Variants in ARSK observed in about 807,000 individuals in gnomAD.
The protein encoded by ARSK is arylsulfatase K.
A neutral mutation model predicts 53.2 loss-of-function variants in ARSK; 37 were observed. That is an observed-to-expected ratio of 0.70 (90% confidence interval 0.54 to 0.92). The LOEUF is 0.92. ARSK is among the 40% of genes least tolerant of loss of function. The pLI, the probability that ARSK is intolerant of heterozygous loss-of-function variation, is 0.00. For synonymous variants in ARSK, 208 were observed against 223.2 expected (o/e 0.93, Z 0.61); for missense variants, 613 against 643.0 (o/e 0.95, Z 0.51).
chr5:95,599,676 G>A (rs990395403), intron 6 of ARSK, among the ~76,000 whole-genome samples: 1 of 152,056 alleles, frequency 6.6e-6, no homozygotes, highest in African/African-American at 2.4e-5. Flanking sequence ...AATTTTGATT[G>A]GTTGGCAGAA....
chr5:95,579,617 G>C (rs539736687), intron 3 of ARSK, among the ~76,000 whole-genome samples: 2 of 152,324 alleles, frequency 1.3e-5, no homozygotes, highest in East Asian at 3.9e-4. Context: ...CACACTTGGA[G>C]TAGCAAGGAT....
chr5:95,600,866 GC>G lies in ARSK; in HGVS notation c.1118del (p.Pro373LeufsTer4), dbSNP rs1749389608. The G allele has an allele frequency of 1.7e-5, 27 of 1,613,930 alleles. No homozygotes were observed. The highest frequency in any genetic ancestry group is 2.3e-5 in the Non-Finnish European group (27 of 1,179,842). The part of the protein sequence containing the change: ...TMLDIAGIPL[P>X]QNLSGYSLLP... ...ACATAGATATTGCTGGAATTCCTCT[GC>G]CTCAGAACCTGAGTGGATACTCTTT... On this transcript the variant is annotated frameshift_variant, in exon 7 of 8. Transcript: ENST00000380009. LOFTEE classifies it high-confidence loss of function.
chr5:95,600,930 A>G lies in ARSK; in HGVS notation c.1180A>G (p.Lys394Glu). 1 of 1,614,130 alleles carries G rather than the reference A, an allele frequency of 6.2e-7. No individual in the cohort carries two copies. Residue 394 changes from lysine (K) to glutamate (E), a missense_variant, in exon 7 of 8, where the codon AAA (lysine) becomes GAA (glutamate). Coordinates refer to ENST00000380009, the MANE Select transcript of ARSK (RefSeq NM_198150.3). The stretch of plus-strand genomic sequence containing the variant: ...ATCAGAAACATTTAAGAATGAACAT[A>G]AAGTCAAAAACCTGCATCCACCCTG... The part of the protein sequence containing the change: ...LSSETFKNEH[K>E]VKNLHPPWIL...
At chr5:95,582,265 A>T (rs766020885) in intron 3 of ARSK, among the ~76,000 whole-genome samples, 9 of 152,160 alleles carry the variant, frequency 5.9e-5, no homozygotes, top group Non-Finnish European at 1.0e-4. Flanking sequence ...CAGATAAAAT[A>T]AAGATTTAGA....
At position 95,555,446 on chromosome 5, in the gene ARSK, C is replaced by T; in HGVS notation, c.126+42C>T. The T allele has an allele frequency of 6.4e-7, 1 of 1,561,628 alleles. No individual in the cohort carries two copies. The highest frequency in any genetic ancestry group is 8.7e-7 in the Non-Finnish European group (1 of 1,151,170). Reference sequence around the variant, plus strand: ...AGGGGAGGGGCGCCCCGCTGGGGATCGGCGACCTCACCGCCGCCGCCTGTG... The same window carrying T: ...AGGGGAGGGGCGCCCCGCTGGGGATTGGCGACCTCACCGCCGCCGCCTGTG... On this transcript the variant is annotated intron_variant, in intron 1 of 7. Transcript: ENST00000380009. The surrounding 1 kb of genome is among the most constrained non-coding windows in gnomAD (Gnocchi z 4.0).
intron 1 of ARSK, among the ~76,000 whole-genome samples, chr5:95,558,862 C>T (rs778216949): frequency 3.3e-5 from 5 of 152,266 alleles, no homozygotes; most frequent in East Asian, 1.9e-4. Flanking sequence ...CCAGTTTGGC[C>T]GGGCGCGGTG....
intron 7 of ARSK, 106 bp downstream of exon 7, chr5:95,601,177 G>A: frequency 9.2e-7 from 1 of 1,088,696 alleles, no homozygotes; most frequent in Non-Finnish European, 1.3e-6. Context: ...ATGAATATCT[G>A]CTGCTTCTCA....
intron 3 of ARSK, among the ~76,000 whole-genome samples, chr5:95,582,425 TAAAG>T (rs1255874160): frequency 2.0e-5 from 3 of 152,050 alleles, no homozygotes; most frequent in Admixed American, 6.6e-5. Flanking sequence ...GTTCTTTTAA[TAAAG>T]AAAAGATAGA....
chr5:95,579,479 T>C lies in ARSK; in HGVS notation c.417-3437T>C, dbSNP rs548927079. ...ATCGGATCTCAGGAGACTTATTCACTACCACCAGAACAGTATGGGGGAAAC... is the reference window on the plus strand; with the variant it reads ...ATCGGATCTCAGGAGACTTATTCACCACCACCAGAACAGTATGGGGGAAAC... On this transcript the variant is annotated intron_variant, in intron 3 of 7. Coordinates refer to ENST00000380009, the MANE Select transcript of ARSK (RefSeq NM_198150.3). 1.6e-4 allele frequency among the ~76,000 whole-genome samples: 24 copies of C among 152,316 alleles called. No individual in the cohort carries two copies. In the South Asian group the frequency reaches 4.8e-3, roughly 30 times the overall value.
chr5:95,597,910 G>A lies in ARSK; in HGVS notation c.1097-2937G>A, dbSNP rs573532883. Among the ~76,000 whole-genome samples, 10 of 149,734 alleles carry A rather than the reference G, an allele frequency of 6.7e-5. 1 individual carries two copies. Among genetic ancestry groups the A allele is most frequent in the African/African-American group, 2.0e-4 (8 of 40,500 alleles). ...CTCTGCCTCAAAAAAAAAAAGTGGG[G>A]GGCGGGTAATAGTGGCTATTTCATA... is the stretch of plus-strand genomic sequence containing the variant. On this transcript the variant is annotated intron_variant, in intron 6 of 7. Coordinates refer to ENST00000380009, the MANE Select transcript of ARSK (RefSeq NM_198150.3).
chr5:95,573,618 T>C (rs1748870980), intron 3 of ARSK, among the ~76,000 whole-genome samples: 1 of 152,228 alleles, frequency 6.6e-6, no homozygotes, highest in African/African-American at 2.4e-5. Context: ...TTCTGTCTTG[T>C]TGAAAATCTA....
At chr5:95,571,585 C>T (rs1357035995) in intron 3 of ARSK, among the ~76,000 whole-genome samples, 1 of 152,070 alleles carries the variant, frequency 6.6e-6, no homozygotes. Context: ...TTTAGGAGTT[C>T]TTTCTTTGTC....
chr5:95,584,030 G>A (rs1749066749), intron 4 of ARSK, among the ~76,000 whole-genome samples: 1 of 152,166 alleles, frequency 6.6e-6, no homozygotes, highest in African/African-American at 2.4e-5. Flanking sequence ...AATGACAGCA[G>A]TGTCAACATT....
rs1749017286 is a variant in ARSK at position 95,581,276 on chromosome 5, G to T, written c.417-1640G>T. ...GGAACACAGTTAAAAAAAATAAGGA[G>T]AAGGCATAAATTTATTACCAGAAAG... is the stretch of plus-strand genomic sequence containing the variant. On this transcript the variant is annotated intron_variant, in intron 3 of 7. Coordinates refer to ENST00000380009, the MANE Select transcript of ARSK (RefSeq NM_198150.3). 2.0e-5 allele frequency among the ~76,000 whole-genome samples: 3 copies of T among 152,130 alleles called. No homozygotes were observed. In the South Asian group the frequency reaches 6.2e-4, roughly 31 times the overall value.
chr5:95,578,929 T>C (rs1748974868), intron 3 of ARSK, among the ~76,000 whole-genome samples: 1 of 152,216 alleles, frequency 6.6e-6, no homozygotes, highest in Non-Finnish European at 1.5e-5. Context: ...TAGTTGGTAA[T>C]GTGTTAAGTA....
chr5:95,586,416 G>T, intron 4 of ARSK, 146 bp from the exon 5 acceptor site: 6 of 636,510 alleles, frequency 9.4e-6, no homozygotes, highest in South Asian at 2.1e-5. Context: ...TTTATGTATT[G>T]ATTTGCTATT....
intron 2 of ARSK, 37 bp from the exon 3 acceptor site, chr5:95,567,853 T>C (rs1321147500): frequency 1.3e-6 from 2 of 1,570,788 alleles, no homozygotes; most frequent in East Asian, 4.5e-5. Flanking sequence ...TTGTTAAGCT[T>C]TACCTTAATC....
chr5:95,595,632 G>A (rs891523538), intron 6 of ARSK, among the ~76,000 whole-genome samples: 8 of 142,988 alleles, frequency 5.6e-5, no homozygotes, highest in East Asian at 2.4e-4. Context: ...ACTCATGGAC[G>A]TAAAAATGCC....
chr5:95,586,776 T>C (rs752735612), intron 5 of ARSK, 43 bp downstream of exon 5: 9 of 1,496,720 alleles, frequency 6.0e-6, no homozygotes, highest in Middle Eastern at 2.4e-4. Context: ...AGAAAAATTA[T>C]AATATTTTTC....
Sources: allele counts gnomAD v4.1 joint callset (sites outside exome capture counted in the v4.1 genomes callset), GRCh38; gene constraint gnomAD v4.1.1; non-coding constraint Gnocchi (gnomAD v3.1); transcripts MANE v1.5; gene names NCBI Gene and HGNC (gene_info 2026-07-23, HGNC 2026-07-21).